STK26: variants seen among roughly 807,000 people sequenced by gnomAD.
The protein encoded by STK26 is serine/threonine-protein kinase 26.
A neutral mutation model predicts 34.7 loss-of-function variants in STK26; 14 were observed. The observed-to-expected ratio is 0.40, with a 90% confidence interval of 0.27 to 0.63. The LOEUF (loss-of-function observed/expected upper bound fraction) is 0.63, where lower values mean the gene tolerates loss of function less well. STK26 is among the 30% of genes least tolerant of loss of function. The pLI is 0.38. For missense variants in STK26, 226 were observed against 309.1 expected (o/e 0.73, Z 2.02); for synonymous variants, 100 against 109.8 (o/e 0.91, Z 0.56).
chrX:132,063,326 G>A (rs1927118760), intron 3 of STK26, 107 bp from the exon 4 acceptor site: 1 of 685,570 alleles, frequency 1.5e-6, no homozygotes, highest in Non-Finnish European at 2.2e-6. Context: ...AAATAAATGA[G>A]AACATGCAAA....
chrX:132,068,186 G>A (rs747459728), intron 4 of STK26, 29 bp from the exon 5 acceptor site: 2 of 1,085,539 alleles, frequency 1.8e-6, no homozygotes, highest in African/African-American at 1.9e-5. Context: ...ACACATATGT[G>A]TATGTGTGTG....
At chrX:132,039,147 A>T (rs1217476966) in intron 2 of STK26, among the ~76,000 whole-genome samples, 1 of 111,330 alleles carries the variant, frequency 9.0e-6, no homozygotes, top group African/African-American at 3.3e-5. Flanking sequence ...AACTAGACGT[A>T]TCTTAATTTG....
intron 2 of STK26, among the ~76,000 whole-genome samples, chrX:132,032,514 C>T (rs973180401): frequency 3.6e-5 from 4 of 111,744 alleles, no homozygotes; most frequent in Non-Finnish European, 5.6e-5. Flanking sequence ...ATCCTTGTAA[C>T]AGAGATTGTG....
intron 2 of STK26, among the ~76,000 whole-genome samples, chrX:132,041,535 CTCA>C (rs1200021025): frequency 9.0e-6 from 1 of 110,595 alleles, no homozygotes; most frequent in Non-Finnish European, 1.9e-5. Flanking sequence ...CTTAGAATTG[CTCA>C]TCAAGCAATT....
intron 3 of STK26, chrX:132,055,438 G>C: frequency 8.7e-7 from 1 of 1,148,213 alleles, no homozygotes; most frequent in African/African-American, 1.8e-5. Context: ...ATAAAAGTTG[G>C]ATTTTTACTG....
At chrX:132,030,124 T>C (rs1028566281) in intron 2 of STK26, among the ~76,000 whole-genome samples, 2 of 112,179 alleles carry the variant, frequency 1.8e-5, no homozygotes, top group Non-Finnish European at 3.8e-5. Context: ...TCTATACTTA[T>C]TTAAATGATT....
At chrX:132,057,243 C>T (rs1485871416) in intron 3 of STK26, among the ~76,000 whole-genome samples, 1 of 111,297 alleles carries the variant, frequency 9.0e-6, no homozygotes, top group Non-Finnish European at 1.9e-5. Flanking sequence ...GTTTTGTAGT[C>T]ATGTATTCCT....
intron 3 of STK26, among the ~76,000 whole-genome samples, chrX:132,059,580 A>G (rs1602769061): frequency 8.9e-6 from 1 of 111,968 alleles, no homozygotes; most frequent in African/African-American, 3.2e-5. Flanking sequence ...TGCTAAAATA[A>G]GCAAACCCTT....
chrX:132,050,817 G>A (rs1224741035), intron 2 of STK26, among the ~76,000 whole-genome samples: 1 of 111,557 alleles, frequency 9.0e-6, no homozygotes, highest in Non-Finnish European at 1.9e-5. Context: ...GGAAAAATAA[G>A]GATAATGGGT....
intron 2 of STK26, among the ~76,000 whole-genome samples, chrX:132,033,302 C>T (rs186969405): frequency 1.8e-5 from 2 of 111,555 alleles, no homozygotes; most frequent in Admixed American, 9.5e-5. Flanking sequence ...AATTTCCTGC[C>T]GCCTGCCTTA....
intron 2 of STK26, among the ~76,000 whole-genome samples, chrX:132,026,155 A>G (rs1186102199): frequency 1.8e-5 from 2 of 112,291 alleles, no homozygotes; most frequent in Admixed American, 1.9e-4. Flanking sequence ...AGAGACGTGA[A>G]GTAGAAGCCC....
At position 132,062,097 on chromosome X, in the gene STK26, A is replaced by G. The variant is rs141860957; in HGVS notation, c.274-1336A>G. Reference sequence around the variant, plus strand: ...TGGGAGGACTACCCCAGGAACTTAGACATTATTTTTATGGGAAAATGCTTG... The same window carrying G: ...TGGGAGGACTACCCCAGGAACTTAGGCATTATTTTTATGGGAAAATGCTTG... On this transcript the variant is annotated intron_variant, in intron 3 of 11. Transcript: ENST00000394334. Among the ~76,000 whole-genome samples the G allele has an allele frequency of 8.1e-3, 914 of 112,270 alleles. 8 individuals are homozygous for G. The highest frequency in any genetic ancestry group is 0.028 in the African/African-American group (865 of 30,874).
chrX:132,047,000 C>G (rs924695075), intron 2 of STK26, among the ~76,000 whole-genome samples: 3 of 111,473 alleles, frequency 2.7e-5, no homozygotes, highest in Non-Finnish European at 3.8e-5. Flanking sequence ...TATTTTGAGC[C>G]CTTATAAATA....
intron 2 of STK26, among the ~76,000 whole-genome samples, chrX:132,034,108 A>G (rs1925940387): frequency 1.2e-5 from 1 of 80,308 alleles, no homozygotes; most frequent in African/African-American, 5.1e-5. Context: ...AGTATAATAA[A>G]TACATATATA....
intron 2 of STK26, among the ~76,000 whole-genome samples, chrX:132,036,732 G>A (rs4142509): frequency 0.34 from 37,278 of 111,053 alleles, 4,893 homozygotes; most frequent in African/African-American, 0.42. Context: ...TTCATTGTGA[G>A]GATTTGCTGG....
At chrX:132,044,269 T>C (rs890908870) in intron 2 of STK26, among the ~76,000 whole-genome samples, 1 of 111,014 alleles carries the variant, frequency 9.0e-6, no homozygotes, top group African/African-American at 3.3e-5. Context: ...TGAAAGAGAA[T>C]GCAAACATAG....
At chrX:132,027,347 T>G (rs1320919977) in intron 2 of STK26, among the ~76,000 whole-genome samples, 1 of 112,432 alleles carries the variant, frequency 8.9e-6, no homozygotes, top group Non-Finnish European at 1.9e-5. Flanking sequence ...TAGATGATTT[T>G]GCTTAACTGT....
intron 11 of STK26, among the ~76,000 whole-genome samples, chrX:132,073,359 CA>C (rs1927482649): frequency 8.9e-6 from 1 of 111,965 alleles, no homozygotes; most frequent in South Asian, 3.6e-4. Flanking sequence ...GGATTATAGA[CA>C]AAAGGTCACT....
intron 2 of STK26, among the ~76,000 whole-genome samples, chrX:132,030,052 T>C (rs753561509): frequency 6.2e-5 from 7 of 112,043 alleles, no homozygotes; most frequent in Admixed American, 9.5e-5. Context: ...TCTTTAAAAA[T>C]ATTGTACAAC....
Sources: allele counts gnomAD v4.1 joint callset (sites outside exome capture counted in the v4.1 genomes callset), GRCh38; gene constraint gnomAD v4.1.1; transcripts MANE v1.5; gene names NCBI Gene and HGNC (gene_info 2026-07-23, HGNC 2026-07-21).